Variants in GSDME observed in about 807,000 individuals in gnomAD.
The protein encoded by GSDME is gasdermin E, also known as gasdermin-E.
In GSDME, 44 loss-of-function variants were observed where a neutral mutation model predicts 47.5. The observed-to-expected ratio is 0.93, with a 90% CI of 0.73 to 1.19. The LOEUF (loss-of-function observed/expected upper bound fraction) is 1.19. Ranked by LOEUF, GSDME falls within the 50% of genes most tolerant of loss-of-function variation. The pLI is 0.00. For missense variants in GSDME, 663 were observed against 604.2 expected, an observed-to-expected ratio of 1.10 and a Z score of -1.02; for synonymous variants, 258 against 252.8, an observed-to-expected ratio of 1.02 and a Z score of -0.20.
Position 24,698,953 on chromosome 7 carries a change from C to T in GSDME, c.*73G>A, listed in dbSNP as rs764371633. On this transcript the variant is annotated 3_prime_UTR_variant, in exon 10 of 10. Coordinates refer to ENST00000645220, the MANE Select transcript of GSDME (RefSeq NM_001127453.2). ...ATTCATTTCATTGGTCAACTTTTAA[C>T]GTGCATATGACCTTTAACAGTTCTG... is the stretch of plus-strand genomic sequence containing the variant. The T allele has an allele frequency of 1.5e-5, 15 of 997,104 alleles. No homozygotes were observed. Among genetic ancestry groups the T allele is most frequent in the African/African-American group, 1.4e-4 (9 of 62,388 alleles). The allele number at this position is 997,104 out of a possible 1,614,324, so 61.8% of individuals were successfully genotyped here.
rs1554325967 is a variant in GSDME at position 24,717,295 on chromosome 7, T to C, written c.656A>G (p.Tyr219Cys). 2 of 1,613,546 alleles carry C rather than the reference T, an allele frequency of 1.2e-6. No homozygotes were observed. The highest frequency in any genetic ancestry group is 1.7e-6 in the Non-Finnish European group (2 of 1,179,746). ...LEIPAATTIAYGVIELYVKLD... is the reference protein window; with the variant it reads ...LEIPAATTIACGVIELYVKLD... ...TTTCACGTATAACTCAATGACACCGTAGGCAATGGTGGTGGCAGCTGGGAT... is the reference window on the plus strand; with the variant it reads ...TTTCACGTATAACTCAATGACACCGCAGGCAATGGTGGTGGCAGCTGGGAT... The change falls in exon 5 of 10, where the codon TAC becomes TGC. Residue 219 changes from tyrosine to cysteine, a missense_variant. Physicochemically the swap from Tyr to Cys is radical, Grantham distance 194. Coordinates refer to ENST00000645220, the MANE Select transcript of GSDME (RefSeq NM_001127453.2).
rs1288645633 is a variant in GSDME at position 24,744,910 on chromosome 7, A to C, written c.212-156T>G. ...AGCCATGCTGTGTGTGTGGGCAAGA[A>C]AACAGGGCAGCACGTGTGTGTGTGT... is the stretch of plus-strand genomic sequence containing the variant. On this transcript the variant is annotated intron_variant, in intron 2 of 9. Transcript: ENST00000645220. The surrounding 1 kb of genome is among the most constrained non-coding windows in gnomAD (Gnocchi z 4.5). 7.1e-6 allele frequency among the ~76,000 whole-genome samples: 1 copy of C among 141,212 alleles called. No individual in the cohort carries two copies. The highest frequency in any genetic ancestry group is 1.5e-5 in the Non-Finnish European group (1 of 64,972). The allele number at this position is 141,212 out of a possible 152,430, so 92.6% of individuals were successfully genotyped here.
chr7:24,710,147 G>C, intron 6 of GSDME, 77 bp downstream of exon 6: 5 of 1,504,594 alleles, frequency 3.3e-6, no homozygotes, highest in Non-Finnish European at 4.6e-6. Context: ...CACTGATGCT[G>C]AAGGCCACAC....
the GSDME span, among the ~76,000 whole-genome samples, chr7:24,775,955 T>C: frequency 7.2e-6 from 1 of 138,862 alleles, no homozygotes; most frequent in African/African-American, 2.7e-5. Flanking sequence ...TGAGGTGGGC[T>C]GATTGCCTGA....
rs149188029 is a variant in GSDME, at chr7:24,749,643, C to T, written c.132G>A (p.Trp44Ter). The T allele has an allele frequency of 1.2e-6, 2 of 1,614,096 alleles. No homozygotes were observed. Among genetic ancestry groups the T allele is most frequent in the East Asian group, 2.2e-5 (1 of 44,884 alleles). The change falls in exon 2 of 10, where the codon TGG becomes TGA. Residue 44 changes from tryptophan to a stop codon, truncating the protein, a stop_gained. Transcript: ENST00000645220. LOFTEE classifies it high-confidence loss of function. ...ACTGGTACTTGGGTCTCTGCCAGCACCAGAATCTCTTCTTTTTTGTCACCA... is the reference window on the plus strand; with the variant it reads ...ACTGGTACTTGGGTCTCTGCCAGCATCAGAATCTCTTCTTTTTTGTCACCA... The part of the protein sequence containing the change: ...LSLVTKKKRF[W>*]CWQRPKYQFL...
chr7:24,717,012 T>C (rs1789583664), intron 5 of GSDME: 1 of 538,098 alleles, frequency 1.9e-6, no homozygotes, highest in Non-Finnish European at 3.4e-6. Context: ...GGTGGAACTT[T>C]GCCCCACACC....
At chr7:24,729,851 G>C (rs949662246) in intron 3 of GSDME, among the ~76,000 whole-genome samples, 13 of 152,220 alleles carry the variant, frequency 8.5e-5, no homozygotes, top group African/African-American at 2.9e-4. Flanking sequence ...GCAGTAAGGG[G>C]ATCCGACTGG....
At chr7:24,781,777 T>C in the GSDME span, among the ~76,000 whole-genome samples, 1 of 152,122 alleles carries the variant, frequency 6.6e-6, no homozygotes, top group Non-Finnish European at 1.5e-5. Flanking sequence ...AAGGTTTCAC[T>C]CTGTTGTCCA....
At chr7:24,706,841 GACCACCCCGCCAATTCTGC>G (rs148839684) in intron 7 of GSDME, among the ~76,000 whole-genome samples, 5,853 of 152,232 alleles carry the variant, frequency 0.038, 157 homozygotes, top group Non-Finnish European at 0.057. Flanking sequence ...AGCCAGTTCG[GACCACCCCGCCAATTCTGC>G]ACCACCCACA....
At chr7:24,717,585 T>C (rs1365218197) in intron 4 of GSDME, among the ~76,000 whole-genome samples, 1 of 152,194 alleles carries the variant, frequency 6.6e-6, no homozygotes, top group Non-Finnish European at 1.5e-5. Context: ...ACGGCCAACC[T>C]GGTGGCATCA....
chr7:24,725,212 T>C lies in GSDME; in HGVS notation c.405-5994A>G, dbSNP rs1414065536. Among the ~76,000 whole-genome samples, 1 of 152,226 alleles carries C rather than the reference T, an allele frequency of 6.6e-6. No homozygotes were observed. The highest frequency in any genetic ancestry group is 6.5e-5 in the Admixed American group (1 of 15,290). On this transcript the variant is annotated intron_variant, in intron 3 of 9. Transcript: ENST00000645220. This position sits in a 1 kb window ranked among gnomAD's most constrained non-coding sequence, Gnocchi z 5.1. Reference sequence around the variant, plus strand: ...CCAGTCCTGAAGCTTAGTTTGCACATCTGTAAACTGAGAATTTGCTATGAG... The same window carrying C: ...CCAGTCCTGAAGCTTAGTTTGCACACCTGTAAACTGAGAATTTGCTATGAG...
chr7:24,769,198 A>C, the GSDME span, among the ~76,000 whole-genome samples: 1 of 152,212 alleles, frequency 6.6e-6, no homozygotes, highest in Non-Finnish European at 1.5e-5. Context: ...TCAGAGACTC[A>C]CAACTTACCA....
rs1055542316 is a variant in GSDME at position 24,745,136 on chromosome 7, G to A, written c.212-382C>T. Among the ~76,000 whole-genome samples the A allele has an allele frequency of 6.6e-6, 1 of 152,070 alleles. No individual in the cohort carries two copies. Among genetic ancestry groups the A allele is most frequent in the Non-Finnish European group, 1.5e-5 (1 of 68,012 alleles). On this transcript the variant is annotated intron_variant, in intron 2 of 9. Transcript: ENST00000645220. This position sits in a 1 kb window ranked among gnomAD's most constrained non-coding sequence, Gnocchi z 4.4. Reference sequence around the variant, plus strand: ...TACGTATAGAAAGGTGCACAGAAAGGACTAATGAATAAAGTTAGCGCCTGT... The same window carrying A: ...TACGTATAGAAAGGTGCACAGAAAGAACTAATGAATAAAGTTAGCGCCTGT...
upstream of GSDME, among the ~76,000 whole-genome samples, chr7:24,762,510 C>G (rs143910887): frequency 2.5e-4 from 38 of 151,674 alleles, no homozygotes; most frequent in African/African-American, 9.0e-4. Context: ...TGAGCTATAC[C>G]CAGCATAGAG....
upstream of GSDME, among the ~76,000 whole-genome samples, chr7:24,761,093 A>C (rs1039812013): frequency 1.8e-4 from 27 of 152,276 alleles, 1 homozygote. The surrounding 1 kb of genome is among the most constrained non-coding windows in gnomAD (Gnocchi z 4.4). Context: ...TTGAAACAAC[A>C]ACCACTTTAC....
chr7:24,737,850 G>A (rs1790357511), intron 3 of GSDME, among the ~76,000 whole-genome samples: 1 of 152,148 alleles, frequency 6.6e-6, no homozygotes, highest in African/African-American at 2.4e-5. Flanking sequence ...ATCAATCAGT[G>A]TGACACATTA....
In GSDME at chr7:24,732,616, G is replaced by C. The variant is rs756487334; in HGVS notation, c.404+11946C>G. The stretch of plus-strand genomic sequence containing the variant: ...GCCATGTGGCAGAGAGAGAGAAGCC[G>C]TGTGCTGTAGGAGGGAGAGCACAGC... On this transcript the variant is annotated intron_variant, in intron 3 of 9. Transcript: ENST00000645220. The surrounding 1 kb of genome is among the most constrained non-coding windows in gnomAD (Gnocchi z 4.8). 3.4e-4 allele frequency among the ~76,000 whole-genome samples: 52 copies of C among 152,186 alleles called. No individual in the cohort carries two copies. Among genetic ancestry groups the C allele is most frequent in the Non-Finnish European group, 5.1e-4 (35 of 68,022 alleles).
At chr7:24,784,851 C>T in the GSDME span, among the ~76,000 whole-genome samples, 18 of 152,144 alleles carry the variant, frequency 1.2e-4, no homozygotes, top group Middle Eastern at 3.4e-3. Flanking sequence ...TGAGCCACCG[C>T]GCCCGGACTG....
rs2128062128 is a variant in GSDME, at chr7:24,742,159, T to C, written c.404+2403A>G. Reference sequence around the variant, plus strand: ...CCTGCTCAGGATAGTTTCTATTCCATGATTCACCCACCAAGTATCCTCCCT... The same window carrying C: ...CCTGCTCAGGATAGTTTCTATTCCACGATTCACCCACCAAGTATCCTCCCT... On this transcript the variant is annotated intron_variant, in intron 3 of 9. Coordinates refer to ENST00000645220, the MANE Select transcript of GSDME (RefSeq NM_001127453.2). The surrounding 1 kb of genome is among the most constrained non-coding windows in gnomAD (Gnocchi z 4.4). 6.6e-6 allele frequency among the ~76,000 whole-genome samples: 1 copy of C among 152,318 alleles called. No individual in the cohort carries two copies.
Sources: allele counts gnomAD v4.1 joint callset (sites outside exome capture counted in the v4.1 genomes callset), GRCh38; gene constraint gnomAD v4.1.1; non-coding constraint Gnocchi (gnomAD v3.1); transcripts MANE v1.5; gene names NCBI Gene and HGNC (gene_info 2026-07-23, HGNC 2026-07-21).